The following RASGRF1 variants were observed in gnomAD, a reference collection of about 807,000 sequenced individuals.
RASGRF1 encodes ras-specific guanine nucleotide-releasing factor 1.
In RASGRF1, 40 loss-of-function variants were observed where a neutral mutation model predicts 138.7. The observed-to-expected ratio is 0.29, with a 90% CI of 0.22 to 0.38. The LOEUF is 0.38. Among genes scored for constraint, RASGRF1 ranks in the 10% least tolerant of loss-of-function variants. The probability of loss-of-function intolerance (pLI) is 1.00; values close to 1 mark genes in which losing one functional copy is unlikely to be tolerated. For missense variants in RASGRF1, 1,108 were observed against 1,650.4 expected (o/e 0.67, Z 5.69); for synonymous variants, 614 against 663.2 (o/e 0.93, Z 1.14).
chr15:79,032,189 G>A lies in RASGRF1; in HGVS notation c.1086C>T (p.His362=). The A allele has an allele frequency of 1.9e-6, 3 of 1,614,146 alleles. No individual in the cohort carries two copies. The highest frequency in any genetic ancestry group is 2.5e-6 in the Non-Finnish European group (3 of 1,179,990). The change falls in exon 7 of 27, where the codon CAC becomes CAT. Residue 362 remains histidine (H), a synonymous_variant. Coordinates refer to ENST00000558480, the MANE Select transcript of RASGRF1 (RefSeq NM_001145648.3). The surrounding 1 kb of genome is among the most constrained non-coding windows in gnomAD (Gnocchi z 4.5). ...CCTCGCAGTCAGGCTTGGCCTCGTA[G>A]TGCTTCAGCAGCTTGTCGAAGTCAC... ...QNRDFDKLLK[H]YEAKPDCEER... is the part of the protein sequence containing the mutation.
chr15:79,070,095 C>G (rs1301808103), intron 1 of RASGRF1, among the ~76,000 whole-genome samples: 1 of 152,176 alleles, frequency 6.6e-6, no homozygotes, highest in Admixed American at 6.5e-5. Context: ...GGGTGCCTTG[C>G]TTCTGCCTGG....
At chr15:79,035,756 T>TGTAAAATATGAAGGTGA (rs1206585663) in intron 5 of RASGRF1, among the ~76,000 whole-genome samples, 1 of 152,058 alleles carries the variant, frequency 6.6e-6, no homozygotes, top group Non-Finnish European at 1.5e-5. Flanking sequence ...AGTCCTTCTG[T>TGTAAAATATGAAGGTGA]GTAAAATATG....
chr15:79,028,116 C>T (rs894982897), intron 8 of RASGRF1, among the ~76,000 whole-genome samples: 2 of 152,156 alleles, frequency 1.3e-5, no homozygotes, highest in African/African-American at 2.4e-5. Flanking sequence ...AAAAAGAAAA[C>T]TGAAGTCAGC....
In RASGRF1 at chr15:78,998,804, T is replaced by C; in HGVS notation, c.2768A>G (p.Asn923Ser). 6.2e-7 allele frequency: 1 copy of C among 1,613,588 alleles called. No homozygotes were observed. Among genetic ancestry groups the C allele is most frequent in the Non-Finnish European group, 8.5e-7 (1 of 1,179,554 alleles). Residue 923 changes from asparagine (N) to serine (S), a missense_variant, in exon 18 of 27, where the codon AAT becomes AGT. Physicochemically the swap from Asn to Ser is conservative, Grantham distance 46. This residue lies in a region of RASGRF1 where 686 missense variants were observed against 976.7 expected (regional missense o/e 0.70). Coordinates refer to ENST00000558480, the MANE Select transcript of RASGRF1 (RefSeq NM_001145648.3). ...GCGGATCACAAACTCCTTGTCTCCA[T>C]TCCTCTGGTCTGGGGGAAACCCTGG... ...ASAGFPPDQR[N>S]GDKEFVIRRA...
chr15:79,049,405 C>T, intron 4 of RASGRF1, 91 bp downstream of exon 4: 1 of 1,204,598 alleles, frequency 8.3e-7, no homozygotes, highest in East Asian at 2.4e-5. Context: ...GCTCTGAGGA[C>T]AGTGGGGCTG....
intron 1 of RASGRF1, among the ~76,000 whole-genome samples, chr15:79,078,254 C>A (rs1038880512): frequency 1.3e-5 from 2 of 152,044 alleles, no homozygotes; most frequent in Non-Finnish European, 2.9e-5. Context: ...CCCGGCCCCA[C>A]CCAGATCCTC....
At chr15:79,029,771 G>A (rs191992832) in intron 8 of RASGRF1, among the ~76,000 whole-genome samples, 1 of 152,260 alleles carries the variant, frequency 6.6e-6, no homozygotes, top group African/African-American at 2.4e-5. Context: ...AACCTTCTGT[G>A]CCACTTGGGC....
chr15:79,006,434 C>T lies in RASGRF1; in HGVS notation c.1827G>A (p.Lys609=), dbSNP rs779867901. 15 of 1,609,444 alleles carry T rather than the reference C, an allele frequency of 9.3e-6. No homozygotes were observed. The Admixed American group carries it at 2.5e-4, about 27-fold the overall frequency. The part of the protein sequence containing the change: ...NSKVTVPQMI[K]SDASLYCDDV... Reference sequence around the variant, plus strand: ...CATCACAATATAAGGAGGCGTCGGACCTGAGAGGGGAGGAAGGATGCAGAG... The same window carrying T: ...CATCACAATATAAGGAGGCGTCGGATCTGAGAGGGGAGGAAGGATGCAGAG... Residue 609 remains lysine (K), a splice_region_variant and synonymous_variant, in exon 14 of 27, where the codon AAG becomes AAA. Coordinates refer to ENST00000558480, the MANE Select transcript of RASGRF1 (RefSeq NM_001145648.3). This position sits in a 1 kb window ranked among gnomAD's most constrained non-coding sequence, Gnocchi z 4.0.
At chr15:78,981,608 T>C (rs1415657707) in intron 23 of RASGRF1, 1 of 152,174 alleles carries the variant, frequency 6.6e-6, no homozygotes, top group Non-Finnish European at 1.5e-5. Context: ...ATTTGTCTAC[T>C]GAGAAGGACA....
At chr15:79,042,010 G>A (rs2141017756) in intron 5 of RASGRF1, among the ~76,000 whole-genome samples, 1 of 152,298 alleles carries the variant, frequency 6.6e-6, no homozygotes, top group African/African-American at 2.4e-5. Context: ...CAACACCTGT[G>A]GTTCCCTGCA....
chr15:78,969,343 A>G (rs2055705153), intron 26 of RASGRF1, among the ~76,000 whole-genome samples: 1 of 152,218 alleles, frequency 6.6e-6, no homozygotes, highest in Non-Finnish European at 1.5e-5. Flanking sequence ...TGCATAATAT[A>G]GGTGATGTTG....
intron 10 of RASGRF1, among the ~76,000 whole-genome samples, chr15:79,021,689 G>C (rs957446140): frequency 2.6e-5 from 4 of 152,184 alleles, no homozygotes; most frequent in African/African-American, 9.7e-5. Flanking sequence ...ACAGACTCTG[G>C]AGCCAGACTG....
At chr15:79,089,612 C>A (rs1036795430) in intron 1 of RASGRF1, among the ~76,000 whole-genome samples, 2 of 152,212 alleles carry the variant, frequency 1.3e-5, no homozygotes, top group African/African-American at 4.8e-5. Context: ...GGGCTTGTTG[C>A]TCCGGCGGCC....
Position 79,032,004 on chromosome 15 carries a change from C to T in RASGRF1, c.1152+119G>A, listed in dbSNP as rs1039429428. On this transcript the variant is annotated intron_variant, in intron 7 of 26. Transcript: ENST00000558480. The surrounding 1 kb of genome is among the most constrained non-coding windows in gnomAD (Gnocchi z 4.5). Reference sequence around the variant, plus strand: ...TCGGCTGCTGGCCCTGACCACCTCCCCCGCCCCCTTTGGCAGCCCAGAGCT... The same window carrying T: ...TCGGCTGCTGGCCCTGACCACCTCCTCCGCCCCCTTTGGCAGCCCAGAGCT... 1 of 1,265,004 alleles carries T rather than the reference C, an allele frequency of 7.9e-7. No homozygotes were observed. Among genetic ancestry groups the T allele is most frequent in the Non-Finnish European group, 1.1e-6 (1 of 925,740 alleles). 78.4% of individuals were successfully genotyped at this position (1,265,004 alleles called of 1,614,324 possible). A position where few individuals can be genotyped will look rare whatever the true frequency, so the allele number is the denominator to read the frequency against.
rs145671245 is a variant in RASGRF1 at position 79,020,072 on chromosome 15, T to A, written c.1575A>T (p.Leu525Phe). 1.2e-6 allele frequency: 2 copies of A among 1,613,992 alleles called. No homozygotes were observed. The highest frequency in any genetic ancestry group is 2.7e-5 in the African/African-American group (2 of 74,944). Residue 525 changes from leucine to phenylalanine, a missense_variant, in exon 11 of 27, where the codon TTA becomes TTT. Physicochemically the swap from Leu to Phe is conservative, Grantham distance 22. This residue lies in a region of RASGRF1 where 686 missense variants were observed against 976.7 expected (regional missense o/e 0.70). Coordinates refer to ENST00000558480, the MANE Select transcript of RASGRF1 (RefSeq NM_001145648.3). ...CCTCCGTGCTTTCTGGCTCCTCCAA[T>A]AAAGTGCAGTCAATGAGGGATATGA... ...NGVISLIDCT[L>F]LEEPESTEEE...
intron 10 of RASGRF1, among the ~76,000 whole-genome samples, chr15:79,021,761 T>C (rs569194642): frequency 6.6e-6 from 1 of 152,316 alleles, no homozygotes; most frequent in African/African-American, 2.4e-5. Context: ...CCCTTGTCTA[T>C]ATAAAATGGG....
intron 16 of RASGRF1, among the ~76,000 whole-genome samples, chr15:79,000,783 T>C (rs1349646890): frequency 1.3e-5 from 2 of 152,094 alleles, no homozygotes; most frequent in African/African-American, 2.4e-5. Context: ...TGGCTCTCCA[T>C]GAGCTCTGTT....
intron 15 of RASGRF1, among the ~76,000 whole-genome samples, chr15:79,003,070 G>A (rs866641762): frequency 6.6e-6 from 1 of 152,204 alleles, no homozygotes; most frequent in African/African-American, 2.4e-5. Context: ...TGAGAGTAGG[G>A]AGGCTCCAGC....
At chr15:78,998,676 C>T (rs760357429) in intron 18 of RASGRF1, 43 bp downstream of exon 18, 10 of 1,517,912 alleles carry the variant, frequency 6.6e-6, no homozygotes, top group Non-Finnish European at 8.2e-6. Flanking sequence ...GGGCCATTGC[C>T]TGGTGGTCCC....
Sources: allele counts gnomAD v4.1 joint callset (sites outside exome capture counted in the v4.1 genomes callset), GRCh38; gene constraint gnomAD v4.1.1; regional missense constraint gnomAD v4.1.1; non-coding constraint Gnocchi (gnomAD v3.1); transcripts MANE v1.5; gene names NCBI Gene and HGNC (gene_info 2026-07-23, HGNC 2026-07-21).